ADGRF1: variants seen among roughly 807,000 people sequenced by gnomAD.
ADGRF1 encodes the protein G protein-coupled receptor 110.
ADGRF1 carries 85 observed loss-of-function variants against 87.2 expected under a neutral mutation model. That is an observed-to-expected ratio of 0.97 (90% CI 0.82 to 1.17). The LOEUF (loss-of-function observed/expected upper bound fraction) is 1.17, where lower values mean the gene tolerates loss of function less well. Ranked by LOEUF, ADGRF1 falls within the 50% of genes most tolerant of loss-of-function variation. The pLI is 0.00. For synonymous variants in ADGRF1, 430 were observed against 408.8 expected, an observed-to-expected ratio of 1.05 and a Z score of -0.63; for missense variants, 1,169 against 1,077.2, an observed-to-expected ratio of 1.09 and a Z score of -1.19.
intron 7 of ADGRF1, chr6:47,019,350 T>C (rs1207488474): frequency 1.0e-6 from 1 of 985,152 alleles, no homozygotes; most frequent in African/African-American, 1.7e-5. Context: ...TAAAGGATAA[T>C]GCCCAGAACA....
chr6:47,009,035 T>C lies in ADGRF1; in HGVS notation c.2400A>G (p.Leu800=). 1 of 1,614,086 alleles carries C rather than the reference T, an allele frequency of 6.2e-7. No individual in the cohort carries two copies. The highest frequency in any genetic ancestry group is 8.5e-7 in the Non-Finnish European group (1 of 1,180,000). ...GKSLLILTPL[L]GLTWGFGIGT... ...CTATTCCAAAGCCCCAGGTGAGCCC[T>C]AGCAGAGGGGTCAGAATGAGGAGGC... The change falls in exon 11 of 15, where the codon CTA becomes CTG. Residue 800 remains leucine (L), a synonymous_variant. Coordinates refer to ENST00000371253, the MANE Select transcript of ADGRF1 (RefSeq NM_153840.4).
rs766407043 is a variant in ADGRF1, at chr6:47,001,515, G to A, written c.2645C>T (p.Pro882Leu). The change falls in exon 14 of 15, where the codon CCA becomes CTA. Residue 882 changes from proline (P) to leucine (L), a missense_variant. Coordinates refer to ENST00000371253, the MANE Select transcript of ADGRF1 (RefSeq NM_153840.4). ...AKPKFSKPFN[P>L]LQNKGHYAFS... ...TTGTAACTCACCTTTGTTTTGCAGTGGGTTGAAAGGCTTTGAGAATTTGGG... is the reference window on the plus strand; with the variant it reads ...TTGTAACTCACCTTTGTTTTGCAGTAGGTTGAAAGGCTTTGAGAATTTGGG... The A allele has an allele frequency of 1.2e-6, 2 of 1,613,566 alleles. No homozygotes were observed. The highest frequency in any genetic ancestry group is 2.2e-5 in the East Asian group (1 of 44,844).
chr6:47,004,603 A>G (rs1289611067), intron 13 of ADGRF1, among the ~76,000 whole-genome samples: 5 of 152,144 alleles, frequency 3.3e-5, no homozygotes, highest in Non-Finnish European at 7.3e-5. Flanking sequence ...GTCCCGTCTC[A>G]TTATATTCAC....
At chr6:47,042,119 C>T (rs903132832) in intron 1 of ADGRF1, 72 bp downstream of exon 1, 1 of 151,990 alleles carries the variant, frequency 6.6e-6, no homozygotes, top group Non-Finnish European at 1.5e-5. Context: ...AAAAAATAAT[C>T]TCAGATTAAC....
At chr6:47,016,804 C>T (rs1779894631) in intron 7 of ADGRF1, 36 bp from the exon 8 acceptor site, 1 of 1,545,050 alleles carries the variant, frequency 6.5e-7, no homozygotes, top group Non-Finnish European at 8.8e-7. Context: ...ATGAGATTCA[C>T]TACTTATTTA....
rs757522380 is a variant in ADGRF1, at chr6:47,010,123, T to C, written c.1312A>G (p.Lys438Glu). 22 of 1,614,066 alleles carry C rather than the reference T, an allele frequency of 1.4e-5. No homozygotes were observed. The highest frequency in any genetic ancestry group is 1.8e-5 in the Non-Finnish European group (21 of 1,180,036). The change falls in exon 11 of 15, where the codon AAA becomes GAA. Residue 438 changes from lysine to glutamate, a missense_variant. Lys to Glu is a moderately conservative substitution (Grantham distance 56). Coordinates refer to ENST00000371253, the MANE Select transcript of ADGRF1 (RefSeq NM_153840.4). Reference protein sequence around the residue: ...FIDWKGIPVNKSQLKRGYSYQ... With the variant: ...FIDWKGIPVNESQLKRGYSYQ... ...CTGTAACCCCTTTTGAGTTGGCTTT[T>C]GTTCACTGGAATCCCTTTCCAGTCA... is the stretch of plus-strand genomic sequence containing the variant.
intron 8 of ADGRF1, among the ~76,000 whole-genome samples, chr6:47,015,850 G>C (rs963932199): frequency 1.3e-5 from 2 of 150,604 alleles, no homozygotes; most frequent in African/African-American, 4.9e-5. Flanking sequence ...TGCCCTCTTT[G>C]GCCTCCCAAA....
At chr6:47,017,319 G>A (rs1779913701) in intron 7 of ADGRF1, 1 of 152,190 alleles carries the variant, frequency 6.6e-6, no homozygotes, top group Non-Finnish European at 1.5e-5. Context: ...TTTATTAAAA[G>A]GTAGTGGCAT....
At chr6:47,005,455 A>G (rs1779496260) in intron 13 of ADGRF1, among the ~76,000 whole-genome samples, 1 of 152,252 alleles carries the variant, frequency 6.6e-6, no homozygotes, top group Admixed American at 6.5e-5. Context: ...AAAATGGTTT[A>G]CAGAAGGTTC....
At chr6:47,026,214 C>T (rs1780229098) in intron 3 of ADGRF1, among the ~76,000 whole-genome samples, 2 of 152,100 alleles carry the variant, frequency 1.3e-5, no homozygotes, top group African/African-American at 2.4e-5. Context: ...ATACGTCTGT[C>T]CTCTCACTTC....
chr6:47,020,835 C>T, intron 6 of ADGRF1, 46 bp from the exon 7 acceptor site: 1 of 1,523,172 alleles, frequency 6.6e-7, no homozygotes, highest in South Asian at 1.1e-5. Flanking sequence ...TCTTCCCGTA[C>T]TTCAGAAAGA....
intron 9 of ADGRF1, 169 bp from the exon 10 acceptor site, chr6:47,012,364 T>C: frequency 7.9e-7 from 1 of 1,271,780 alleles, no homozygotes; most frequent in Non-Finnish European, 1.0e-6. Flanking sequence ...TTCTATATTT[T>C]AGACATTGCA....
At chr6:47,041,941 C>G (rs1780751811) in intron 1 of ADGRF1, among the ~76,000 whole-genome samples, 1 of 152,118 alleles carries the variant, frequency 6.6e-6, no homozygotes, top group South Asian at 2.1e-4. Flanking sequence ...GAAGAGTGTG[C>G]TTTCAGTCAG....
At chr6:47,007,749 A>C (rs547574145) in intron 11 of ADGRF1, among the ~76,000 whole-genome samples, 1 of 152,128 alleles carries the variant, frequency 6.6e-6, no homozygotes, top group Non-Finnish European at 1.5e-5. Flanking sequence ...GTCTTGGGGA[A>C]CCCTTGGTAA....
chr6:47,018,185 G>C (rs1218226352), intron 7 of ADGRF1: 2 of 304,242 alleles, frequency 6.6e-6, no homozygotes, highest in Non-Finnish European at 1.2e-5. Flanking sequence ...GTTCAGGGGA[G>C]TGCCCGAGCT....
intron 9 of ADGRF1, chr6:47,013,572 T>G: frequency 2.0e-6 from 2 of 985,588 alleles, no homozygotes; most frequent in South Asian, 4.7e-5. Context: ...TGAGTTCTTC[T>G]GATTCCTAGA....
At chr6:47,040,053 C>T (rs923409091) in intron 1 of ADGRF1, among the ~76,000 whole-genome samples, 18 of 152,098 alleles carry the variant, frequency 1.2e-4, no homozygotes, top group Admixed American at 2.6e-4. Flanking sequence ...TGAAATCTTG[C>T]GAGCACTACT....
At chr6:47,025,766 T>C in intron 4 of ADGRF1, 88 bp downstream of exon 4, 2 of 1,137,428 alleles carry the variant, frequency 1.8e-6, no homozygotes, top group South Asian at 3.3e-5. Flanking sequence ...ATTGTAGGGA[T>C]GATTGTTTCC....
intron 1 of ADGRF1, among the ~76,000 whole-genome samples, chr6:47,032,564 C>T (rs1780460218): frequency 6.6e-6 from 1 of 152,204 alleles, no homozygotes; most frequent in Non-Finnish European, 1.5e-5. Context: ...TGTAGCTGTA[C>T]TAGCCAGGGT....
Sources: allele counts gnomAD v4.1 joint callset (sites outside exome capture counted in the v4.1 genomes callset), GRCh38; gene constraint gnomAD v4.1.1; transcripts MANE v1.5; gene names NCBI Gene and HGNC (gene_info 2026-07-23, HGNC 2026-07-21).